The following CTIF variants were observed in gnomAD, a reference collection of about 807,000 sequenced individuals.
The protein encoded by CTIF is CBP80/20-dependent translation initiation factor.
Under a neutral mutation model 66.0 loss-of-function variants are expected in CTIF, and 21 were observed. The ratio of observed to expected loss-of-function variants is 0.32; its 90% CI spans 0.23 to 0.46. The LOEUF (loss-of-function observed/expected upper bound fraction) is 0.46. Ranked by LOEUF, CTIF falls within the 20% of genes least tolerant of loss-of-function variation. The pLI, the probability that CTIF is intolerant of heterozygous loss-of-function variation, is 1.00. For missense variants in CTIF, 739 were observed against 812.7 expected (o/e 0.91, Z 1.10); for synonymous variants, 345 against 326.4 (o/e 1.06, Z -0.62).
At chr18:48,579,697 C>CTT (rs574145561) in intron 1 of CTIF, among the ~76,000 whole-genome samples, 128 of 152,266 alleles carry the variant, frequency 8.4e-4, no homozygotes, top group Non-Finnish European at 1.4e-3. Flanking sequence ...TCCCAGGTCC[C>CTT]TTTCTCAGAT....
intron 6 of CTIF, among the ~76,000 whole-genome samples, chr18:48,673,105 C>G (rs558945026): frequency 6.6e-6 from 1 of 152,306 alleles, no homozygotes. Context: ...GAGCCCCTGC[C>G]CCCATCTCTG....
intron 6 of CTIF, among the ~76,000 whole-genome samples, chr18:48,693,757 A>G (rs961082090): frequency 2.6e-5 from 4 of 152,282 alleles, no homozygotes; most frequent in South Asian, 2.1e-4. Flanking sequence ...CCAGCCCTCC[A>G]TTGGTTTTTA....
At chr18:48,853,815 C>T (rs1194247841) in intron 10 of CTIF, among the ~76,000 whole-genome samples, 1 of 152,202 alleles carries the variant, frequency 6.6e-6, no homozygotes, top group Non-Finnish European at 1.5e-5. Flanking sequence ...TGCAACGTGA[C>T]AGGAGACAGG....
chr18:48,706,846 T>C (rs1298026594), intron 6 of CTIF, among the ~76,000 whole-genome samples: 1 of 152,204 alleles, frequency 6.6e-6, no homozygotes, highest in Non-Finnish European at 1.5e-5. Flanking sequence ...CTTCCCTCCA[T>C]CCCTGGAGAG....
At position 48,656,040 on chromosome 18, in the gene CTIF, G is replaced by C. The variant is rs540744430; in HGVS notation, c.253-7712G>C. Reference sequence around the variant, plus strand: ...CTCACTCTCACCTTGTTGCATTCATGCATGTGTGGAGACCGCAGCCTCATC... The same window carrying C: ...CTCACTCTCACCTTGTTGCATTCATCCATGTGTGGAGACCGCAGCCTCATC... On this transcript the variant is annotated intron_variant, in intron 3 of 11. Coordinates refer to ENST00000256413, the MANE Select transcript of CTIF (RefSeq NM_014772.3). Among the ~76,000 whole-genome samples the C allele has an allele frequency of 5.9e-5, 9 of 152,326 alleles. No individual in the cohort carries two copies. The South Asian group carries it at 1.9e-3, about 32-fold the overall frequency.
chr18:48,557,206 C>A (rs762180416), intron 1 of CTIF, among the ~76,000 whole-genome samples: 5 of 152,074 alleles, frequency 3.3e-5, no homozygotes, highest in Non-Finnish European at 7.4e-5. Context: ...AGAAACAGTA[C>A]CTTGAAGGCC....
chr18:48,630,826 CAA>C (rs960421963), intron 2 of CTIF, among the ~76,000 whole-genome samples: 26 of 152,216 alleles, frequency 1.7e-4, no homozygotes, highest in African/African-American at 6.0e-4. Context: ...CAGGTGCCTG[CAA>C]CCACGCCTGG....
chr18:48,712,780 G>A (rs759410906), intron 7 of CTIF, among the ~76,000 whole-genome samples: 6 of 152,190 alleles, frequency 3.9e-5, no homozygotes, highest in African/African-American at 1.2e-4. Context: ...CCTTCCCTAC[G>A]CATGCACACC....
In CTIF at chr18:48,664,539, T is replaced by C; in HGVS notation, c.419T>C (p.Ile140Thr). 1.2e-6 allele frequency: 2 copies of C among 1,611,504 alleles called. No homozygotes were observed. Among genetic ancestry groups the C allele is most frequent in the Non-Finnish European group, 1.7e-6 (2 of 1,179,774 alleles). The change falls in exon 5 of 12, where the codon ATC becomes ACC. Residue 140 changes from isoleucine to threonine, a missense_variant. Around this residue, in one of 2 missense-constraint regions of CTIF, gnomAD observed 529 missense variants for 520.3 expected, o/e 1.02. Transcript: ENST00000256413. ...RHTPKQPLPH[I>T]DREGCGKGKL... Reference sequence around the variant, plus strand: ...ACGCCCAAGCAGCCCCTGCCACACATCGACCGCGAAGGGTAAGGGGTGCTG... The same window carrying C: ...ACGCCCAAGCAGCCCCTGCCACACACCGACCGCGAAGGGTAAGGGGTGCTG...
intron 1 of CTIF, among the ~76,000 whole-genome samples, chr18:48,563,192 G>T (rs1275660425): frequency 2.3e-5 from 3 of 129,160 alleles, no homozygotes; most frequent in Non-Finnish European, 5.2e-5. Context: ...TCCCATAAGG[G>T]ACTGGTTAGT....
intron 9 of CTIF, among the ~76,000 whole-genome samples, chr18:48,802,211 G>T (rs944755751): frequency 1.3e-5 from 2 of 152,186 alleles, no homozygotes; most frequent in African/African-American, 4.8e-5. Flanking sequence ...TGCTCCTCAG[G>T]CTGAGGCCTC....
intron 3 of CTIF, among the ~76,000 whole-genome samples, chr18:48,653,156 G>T (rs1188076174): frequency 6.6e-6 from 1 of 152,166 alleles, no homozygotes; most frequent in East Asian, 1.9e-4. Context: ...AAGAAATAAA[G>T]GGTATTCAAT....
chr18:48,610,558 C>T (rs1568071248), intron 1 of CTIF, among the ~76,000 whole-genome samples: 1 of 152,298 alleles, frequency 6.6e-6, no homozygotes, highest in East Asian at 1.9e-4. Flanking sequence ...GGGACTGAGG[C>T]CTGTACCTTC....
At chr18:48,698,104 TAAAAAAAAAAAAA>T (rs527429582) in intron 6 of CTIF, among the ~76,000 whole-genome samples, 77 of 13,056 alleles carry the variant, frequency 5.9e-3, no homozygotes, top group Non-Finnish European at 0.01. Flanking sequence ...TAGCCATCAT[TAAAAAAAAAAAAA>T]AAAAAAAAAA....
chr18:48,648,489 G>GCGCA (rs2091094961), intron 3 of CTIF, among the ~76,000 whole-genome samples: 1 of 62,972 alleles, frequency 1.6e-5, no homozygotes, highest in African/African-American at 3.6e-5. Context: ...ACACACACAC[G>GCGCA]CACACACACA....
intron 7 of CTIF, among the ~76,000 whole-genome samples, chr18:48,746,361 G>A (rs1358518091): frequency 6.6e-6 from 1 of 151,978 alleles, no homozygotes; most frequent in East Asian, 1.9e-4. Flanking sequence ...CCTCCTCTGA[G>A]ATGCTTATGT....
At chr18:48,777,929 C>T (rs1012966615) in intron 9 of CTIF, among the ~76,000 whole-genome samples, 1 of 152,230 alleles carries the variant, frequency 6.6e-6, no homozygotes, top group South Asian at 2.1e-4. Flanking sequence ...GCTCCTTCCA[C>T]ACCTGCCTGG....
At chr18:48,665,981 T>C (rs1273217254) in intron 5 of CTIF, among the ~76,000 whole-genome samples, 1 of 152,216 alleles carries the variant, frequency 6.6e-6, no homozygotes, top group East Asian at 1.9e-4. Flanking sequence ...TGGGGTGGAA[T>C]TGCTGGGTTG....
At chr18:48,837,242 C>T (rs1342059852) in intron 10 of CTIF, among the ~76,000 whole-genome samples, 1 of 152,158 alleles carries the variant, frequency 6.6e-6, no homozygotes, top group Non-Finnish European at 1.5e-5. Context: ...CCTGTGCTCA[C>T]GAGAGCCCCT....
Sources: gnomAD v4.1 joint callset for allele counts (sites outside exome capture counted in the v4.1 genomes callset) on GRCh38, gnomAD v4.1.1 for gene constraint, gnomAD v4.1.1 regional missense constraint, MANE v1.5 for transcripts, NCBI Gene and HGNC (gene_info 2026-07-23, HGNC 2026-07-21) for gene names.